CDC42SE2: variants seen among roughly 807,000 people sequenced by gnomAD.
CDC42SE2 encodes the protein CDC42 small effector 2.
Under a neutral mutation model 11.5 loss-of-function variants are expected in CDC42SE2, and 3 were observed. That is an observed-to-expected ratio of 0.26 (90% CI 0.12 to 0.67). CDC42SE2 has a LOEUF of 0.67. CDC42SE2 is among the 30% of genes least tolerant of loss of function. CDC42SE2 has a pLI of 0.80. For synonymous variants in CDC42SE2, 33 were observed against 34.8 expected (o/e 0.95, Z 0.18); for missense variants, 82 against 106.8 (o/e 0.77, Z 1.02).
chr5:131,304,726 A>G (rs1561578125), intron 1 of CDC42SE2, among the ~76,000 whole-genome samples: 1 of 152,146 alleles, frequency 6.6e-6, no homozygotes, highest in Non-Finnish European at 1.5e-5. Flanking sequence ...CTTTGTGATT[A>G]GTAATCGTGT....
chr5:131,229,522 T>C, the CDC42SE2 span, among the ~76,000 whole-genome samples: 1 of 152,184 alleles, frequency 6.6e-6, no homozygotes. Context: ...CCCAAGTAGC[T>C]GAGACTATGG....
intron 1 of CDC42SE2, among the ~76,000 whole-genome samples, chr5:131,277,981 C>G (rs1470501792): frequency 1.3e-5 from 2 of 152,082 alleles, no homozygotes; most frequent in Non-Finnish European, 2.9e-5. Flanking sequence ...AGCCAGGTAC[C>G]AATTTCATCT....
chr5:131,387,385 C>A (rs1750518716), intron 4 of CDC42SE2, among the ~76,000 whole-genome samples: 1 of 151,924 alleles, frequency 6.6e-6, no homozygotes, highest in African/African-American at 2.4e-5. Flanking sequence ...CCTGTCTCTA[C>A]CAAAAATACA....
At chr5:131,265,387 G>A (rs1756838538) in intron 1 of CDC42SE2, among the ~76,000 whole-genome samples, 1 of 152,068 alleles carries the variant, frequency 6.6e-6, no homozygotes, top group East Asian at 1.9e-4. Context: ...GAGTTTATGT[G>A]TTTTTGAGAA....
At chr5:131,273,876 C>T (rs1259880853) in intron 1 of CDC42SE2, among the ~76,000 whole-genome samples, 1 of 152,068 alleles carries the variant, frequency 6.6e-6, no homozygotes, top group Non-Finnish European at 1.5e-5. Context: ...CTCCCGGGCT[C>T]AGGTGATCCT....
Position 131,383,802 on chromosome 5 carries a change from G to C in CDC42SE2, c.55-1741G>C, listed in dbSNP as rs140339113. On this transcript the variant is annotated intron_variant, in intron 3 of 4. Coordinates refer to ENST00000505065, the MANE Select transcript of CDC42SE2 (RefSeq NM_001375635.1). ...GCTACAATAGCAGAGTTGAGTCAAA[G>C]CTACAGTGGAGATTGTATTTGGCCT... Among the ~76,000 whole-genome samples the C allele has an allele frequency of 3.2e-3, 484 of 152,300 alleles. 2 individuals are homozygous for C. The highest frequency in any genetic ancestry group is 0.011 in the African/African-American group (463 of 41,560).
chr5:131,297,664 G>A (rs1757599068), intron 1 of CDC42SE2, among the ~76,000 whole-genome samples: 1 of 152,078 alleles, frequency 6.6e-6, no homozygotes, highest in Non-Finnish European at 1.5e-5. Context: ...AGCTTGCAGT[G>A]AGTCAAGATT....
At chr5:131,273,084 G>A (rs907359156) in intron 1 of CDC42SE2, among the ~76,000 whole-genome samples, 6 of 151,106 alleles carry the variant, frequency 4.0e-5, no homozygotes, top group African/African-American at 1.5e-4. Context: ...TTTATATTTA[G>A]TTTTAGTCCC....
intron 2 of CDC42SE2, among the ~76,000 whole-genome samples, chr5:131,358,621 A>G (rs998252723): frequency 6.6e-6 from 1 of 152,168 alleles, no homozygotes; most frequent in Admixed American, 6.5e-5. Flanking sequence ...CGTTCTAGTA[A>G]TGATGGTAGG....
chr5:131,351,507 G>A (rs988220604), intron 2 of CDC42SE2, among the ~76,000 whole-genome samples: 1 of 152,050 alleles, frequency 6.6e-6, no homozygotes, highest in African/African-American at 2.4e-5. Flanking sequence ...GCCCGCCTTG[G>A]CCTCCCAAAG....
At chr5:131,248,409 T>C (rs1756613820) in intron 1 of CDC42SE2, among the ~76,000 whole-genome samples, 2 of 152,164 alleles carry the variant, frequency 1.3e-5, no homozygotes, top group Admixed American at 6.5e-5. Context: ...AGTGCTGGGA[T>C]CATAGGCATG....
rs193217001 is a variant in CDC42SE2, at chr5:131,312,700, T to A, written c.-454-3276T>A. Among the ~76,000 whole-genome samples the A allele has an allele frequency of 3.1e-3, 477 of 152,344 alleles. 3 individuals carry two copies. Among genetic ancestry groups the A allele is most frequent in the Non-Finnish European group, 4.9e-3 (335 of 68,034 alleles). On this transcript the variant is annotated intron_variant, in intron 1 of 4. Transcript: ENST00000505065. ...AGTATTTGGGTGGGAGTGACCCGAT[T>A]TTCCAGGTGCCGTCCGTCACCCCTT...
intron 3 of CDC42SE2, among the ~76,000 whole-genome samples, chr5:131,381,826 A>G (rs1222819559): frequency 6.6e-6 from 1 of 152,190 alleles, no homozygotes; most frequent in East Asian, 1.9e-4. Flanking sequence ...AAACACTTTC[A>G]ATTATTTCCC....
chr5:131,280,776 A>G (rs1170574112), intron 1 of CDC42SE2, among the ~76,000 whole-genome samples: 2 of 152,188 alleles, frequency 1.3e-5, no homozygotes, highest in African/African-American at 2.4e-5. Context: ...TGATCCTTTA[A>G]TAGTAAAATA....
chr5:131,271,982 T>G (rs1378320038), intron 1 of CDC42SE2, among the ~76,000 whole-genome samples: 2 of 151,880 alleles, frequency 1.3e-5, no homozygotes, highest in Admixed American at 1.3e-4. Context: ...GAGGGCCCTT[T>G]GTGTTGCTGG....
chr5:131,260,522 C>A (rs1223876980), upstream of CDC42SE2, among the ~76,000 whole-genome samples: 1 of 149,526 alleles, frequency 6.7e-6, no homozygotes, highest in African/African-American at 2.5e-5. Context: ...ACTCAGGAGG[C>A]TGAAGGAGGA....
chr5:131,393,922 T>G lies in CDC42SE2; in HGVS notation c.*2831T>G, dbSNP rs3488. 1.3e-5 allele frequency: 2 copies of G among 149,472 alleles called. No homozygotes were observed. The highest frequency in any genetic ancestry group is 1.3e-4 in the Admixed American group (2 of 14,816). The allele number at this position is 149,472 out of a possible 1,614,324, so 9.3% of individuals were successfully genotyped here. ...TGGACTTGTCAGCCTATAACTACTC[T>G]GCAGCTGCCACTAACTCTACAGGCA... On this transcript the variant is annotated 3_prime_UTR_variant, in exon 5 of 5. Transcript: ENST00000505065.
At chr5:131,298,363 C>G (rs574837728) in intron 1 of CDC42SE2, among the ~76,000 whole-genome samples, 1 of 151,942 alleles carries the variant, frequency 6.6e-6, no homozygotes, top group South Asian at 2.1e-4. Context: ...CTCAGGTGAT[C>G]CACCCGCCTT....
intron 2 of CDC42SE2, among the ~76,000 whole-genome samples, chr5:131,326,965 G>C (rs1206005714): frequency 2.0e-5 from 3 of 151,888 alleles, no homozygotes; most frequent in African/African-American, 7.3e-5. Flanking sequence ...TATTTGTTTG[G>C]TTTATCCTTT....
Sources: gnomAD v4.1 joint callset for allele counts (sites outside exome capture counted in the v4.1 genomes callset) on GRCh38, gnomAD v4.1.1 for gene constraint, MANE v1.5 for transcripts, NCBI Gene and HGNC (gene_info 2026-07-23, HGNC 2026-07-21) for gene names.